COG3: variants seen among roughly 807,000 people sequenced by gnomAD.
The protein encoded by COG3 is conserved oligomeric Golgi complex subunit 3.
Under a neutral mutation model 114.1 loss-of-function variants are expected in COG3, and 32 were observed. The ratio of observed to expected loss-of-function variants is 0.28; its 90% CI spans 0.21 to 0.38. The LOEUF is 0.38. COG3 is among the 10% of genes least tolerant of loss of function. The pLI, the probability that COG3 is intolerant of heterozygous loss-of-function variation, is 1.00. For synonymous variants in COG3, 352 were observed against 365.7 expected (o/e 0.96, Z 0.43); for missense variants, 813 against 973.2 (o/e 0.84, Z 2.19).
At chr13:45,522,336 C>A (rs1309202032) in intron 19 of COG3, among the ~76,000 whole-genome samples, 2 of 152,118 alleles carry the variant, frequency 1.3e-5, no homozygotes, top group African/African-American at 4.8e-5. Context: ...TTTAGATTGT[C>A]AGAGACTTGT....
At position 45,525,634 on chromosome 13, in the gene COG3, G is replaced by T. The variant is rs1226217920; in HGVS notation, c.2230+583G>T. Among the ~76,000 whole-genome samples the T allele has an allele frequency of 3.5e-3, 196 of 56,668 alleles. 5 individuals are homozygous for T. Among genetic ancestry groups the T allele is most frequent in the African/African-American group, 0.014 (182 of 12,992 alleles). The allele number at this position is 56,668 out of a possible 152,430, so 37.2% of individuals were successfully genotyped here. A position where few individuals can be genotyped will look rare whatever the true frequency, so the allele number is the denominator to read the frequency against. On this transcript the variant is annotated intron_variant, in intron 20 of 22. Transcript: ENST00000349995. ...ATTTTTTTGTGCTGGAGGGCTTTGG[G>T]TTTTTTTTTTTTTTTTTTGGTCTTT...
intron 13 of COG3, among the ~76,000 whole-genome samples, chr13:45,500,063 TGTGA>T (rs770987197): frequency 4.9e-5 from 3 of 61,220 alleles, no homozygotes; most frequent in African/African-American, 1.3e-4. Context: ...TGTGTGTGTG[TGTGA>T]GTGTGTGTGT....
intron 13 of COG3, among the ~76,000 whole-genome samples, chr13:45,499,104 A>G (rs979997888): frequency 2.6e-5 from 4 of 152,134 alleles, no homozygotes; most frequent in Non-Finnish European, 5.9e-5. Context: ...AAAGAGCTAG[A>G]AAATATACAT....
At chr13:45,493,686 A>C (rs1887154674) in intron 12 of COG3, 200 bp downstream of exon 12, 1 of 361,634 alleles carries the variant, frequency 2.8e-6, no homozygotes. Flanking sequence ...AAGAATCTTA[A>C]AATCTGGGTA....
intron 1 of COG3, among the ~76,000 whole-genome samples, chr13:45,475,562 C>T (rs1166147955): frequency 6.6e-6 from 1 of 152,132 alleles, no homozygotes; most frequent in Non-Finnish European, 1.5e-5. Context: ...CTGGGGAGGG[C>T]AAACTACTTT....
At chr13:45,486,625 C>A in intron 8 of COG3, 50 bp downstream of exon 8, 1 of 1,103,594 alleles carries the variant, frequency 9.1e-7, no homozygotes, top group Non-Finnish European at 1.4e-6. Context: ...TGTTCATCTG[C>A]CCTTTTGAAG....
At chr13:45,506,128 A>G (rs371574429) in intron 14 of COG3, among the ~76,000 whole-genome samples, 2 of 152,108 alleles carry the variant, frequency 1.3e-5, no homozygotes, top group African/African-American at 4.8e-5. Flanking sequence ...TTATATTTCC[A>G]TTGAACAGCA....
intron 14 of COG3, 36 bp downstream of exon 14, chr13:45,503,385 AT>A (rs749385439): frequency 8.7e-7 from 1 of 1,148,728 alleles, no homozygotes. Context: ...GCATTTATTC[AT>A]TTGGGTTAAC....
At chr13:45,529,731 A>T in intron 20 of COG3, 60 bp from the exon 21 acceptor site, 1 of 1,336,378 alleles carries the variant, frequency 7.5e-7, no homozygotes. Context: ...CCTTTGAATT[A>T]AAATGGAAAT....
intron 16 of COG3, among the ~76,000 whole-genome samples, chr13:45,515,664 T>G (rs1566267459): frequency 6.6e-6 from 1 of 152,228 alleles, no homozygotes; most frequent in African/African-American, 2.4e-5. Flanking sequence ...CAAATCATTT[T>G]ACATTTGTAT....
At chr13:45,510,907 A>G (rs566887844) in intron 15 of COG3, among the ~76,000 whole-genome samples, 114 of 152,328 alleles carry the variant, frequency 7.5e-4, no homozygotes, top group Middle Eastern at 3.4e-3. Flanking sequence ...TCTCCTTCCT[A>G]TAGTAATAGC....
chr13:45,523,307 A>AT (rs1042487513), intron 19 of COG3, among the ~76,000 whole-genome samples: 1 of 151,890 alleles, frequency 6.6e-6, no homozygotes, highest in Non-Finnish European at 1.5e-5. Context: ...ATAAACTTAA[A>AT]TTTTTTTTCT....
At chr13:45,528,438 A>G (rs1872881181) in intron 20 of COG3, among the ~76,000 whole-genome samples, 1 of 152,192 alleles carries the variant, frequency 6.6e-6, no homozygotes, top group Non-Finnish European at 1.5e-5. Flanking sequence ...TAGCAAGAGC[A>G]TTGGTACTTT....
chr13:45,465,437 G>A (rs1885077797), intron 1 of COG3: 3 of 658,196 alleles, frequency 4.6e-6, no homozygotes, highest in African/African-American at 1.9e-5. Context: ...GGGGTGTCCT[G>A]CAGCTGGTGC....
chr13:45,503,153 A>T, intron 13 of COG3, 91 bp from the exon 14 acceptor site: 4 of 499,142 alleles, frequency 8.0e-6, no homozygotes, highest in South Asian at 4.3e-5. Flanking sequence ...TCAAGTTGAA[A>T]ATATATATAT....
At chr13:45,524,509 A>C (rs1872496270) in intron 19 of COG3, among the ~76,000 whole-genome samples, 1 of 152,212 alleles carries the variant, frequency 6.6e-6, no homozygotes, top group Admixed American at 6.5e-5. Flanking sequence ...TGTTTTAATG[A>C]CATTCTCTCT....
intron 19 of COG3, among the ~76,000 whole-genome samples, chr13:45,519,773 T>G (rs1365457439): frequency 6.6e-6 from 1 of 152,210 alleles, no homozygotes; most frequent in African/African-American, 2.4e-5. Context: ...GTCACAGTTT[T>G]CAGGAACCTA....
At chr13:45,513,772 T>A (rs1301527665) in intron 16 of COG3, among the ~76,000 whole-genome samples, 1 of 151,796 alleles carries the variant, frequency 6.6e-6, no homozygotes, top group Non-Finnish European at 1.5e-5. Flanking sequence ...GCCCGCACAT[T>A]TTTGATAATA....
chr13:45,495,145 C>CTT (rs56237113), intron 12 of COG3, among the ~76,000 whole-genome samples: 1 of 108,758 alleles, frequency 9.2e-6, no homozygotes, highest in Non-Finnish European at 1.9e-5. Context: ...CGCCTGGCCT[C>CTT]TTTTTTTTTT....
Sources: allele counts gnomAD v4.1 joint callset (sites outside exome capture counted in the v4.1 genomes callset), GRCh38; gene constraint gnomAD v4.1.1; transcripts MANE v1.5; gene names NCBI Gene and HGNC (gene_info 2026-07-23, HGNC 2026-07-21).